MILR1: variants seen among roughly 807,000 people sequenced by gnomAD.
The protein encoded by MILR1 is mast cell immunoglobulin like receptor 1, also known as allergin-1.
A neutral mutation model predicts 18.5 loss-of-function variants in MILR1; 31 were observed. That is an observed-to-expected ratio of 1.68 (90% CI 1.26 to 2.26). The LOEUF is 2.26. Among genes scored for constraint, MILR1 ranks in the 30% most tolerant of loss-of-function variants. The pLI is 0.00. For synonymous variants in MILR1, 85 were observed against 56.2 expected (o/e 1.51, Z -2.30); for missense variants, 257 against 157.4 (o/e 1.63, Z -3.38).
chr17:64,466,082 A>G (rs2037552081), intron 6 of MILR1, among the ~76,000 whole-genome samples: 1 of 152,204 alleles, frequency 6.6e-6, no homozygotes, highest in Non-Finnish European at 1.5e-5. Flanking sequence ...GGGGAAGCAA[A>G]CACATCCTTC....
At chr17:64,463,817 ATT>A (rs1200586705) in intron 5 of MILR1, among the ~76,000 whole-genome samples, 4 of 103,932 alleles carry the variant, frequency 3.8e-5, no homozygotes, top group Admixed American at 9.8e-5. Context: ...CTCCTGGCTA[ATT>A]TTTTTTTTTT....
chr17:64,475,516 C>T, the MILR1 span, among the ~76,000 whole-genome samples: 6 of 151,752 alleles, frequency 4.0e-5, no homozygotes, highest in African/African-American at 9.7e-5. Flanking sequence ...GGCATGGTGG[C>T]GCATGCCTGT....
downstream of MILR1, among the ~76,000 whole-genome samples, chr17:64,469,389 C>T (rs2037651745): frequency 3.3e-5 from 5 of 152,114 alleles, no homozygotes; most frequent in South Asian, 1.0e-3. Context: ...CTTGACATGA[C>T]ACTAAACCTC....
the MILR1 span, chr17:64,493,150 G>T: frequency 9.8e-7 from 1 of 1,022,516 alleles, no homozygotes; most frequent in Non-Finnish European, 1.5e-6. Flanking sequence ...AAGCTTGGTG[G>T]CTCACGCCTA....
downstream of MILR1, among the ~76,000 whole-genome samples, chr17:64,471,405 C>T (rs1440991469): frequency 2.0e-5 from 3 of 152,160 alleles, no homozygotes; most frequent in East Asian, 3.8e-4. Context: ...AGCGACACCT[C>T]CCCCACTTCT....
the MILR1 span, chr17:64,496,838 A>C: frequency 6.2e-7 from 1 of 1,613,624 alleles, no homozygotes; most frequent in African/African-American, 1.3e-5. Context: ...GTGCGACTTC[A>C]CATGCCCTCC....
At chr17:64,478,463 T>C in the MILR1 span, among the ~76,000 whole-genome samples, 2 of 152,338 alleles carry the variant, frequency 1.3e-5, no homozygotes, top group African/African-American at 4.8e-5. Flanking sequence ...ACCAAACAGA[T>C]AGATGCACGG....
At chr17:64,473,138 A>G (rs2037715118), downstream of MILR1, among the ~76,000 whole-genome samples, 1 of 152,074 alleles carries the variant, frequency 6.6e-6, no homozygotes, top group South Asian at 2.1e-4. Context: ...TCACAAGGTC[A>G]GGAGATCAAG....
intron 4 of MILR1, 30 bp downstream of exon 4, chr17:64,457,714 G>T: frequency 2.1e-6 from 1 of 470,716 alleles, no homozygotes; most frequent in Non-Finnish European, 3.9e-6. Flanking sequence ...TTTCAGCCAG[G>T]TCTGAACTCA....
At chr17:64,473,177 G>A (rs538770228), downstream of MILR1, among the ~76,000 whole-genome samples, 41 of 152,088 alleles carry the variant, frequency 2.7e-4, no homozygotes, top group African/African-American at 9.4e-4. Flanking sequence ...ATGAAACCCC[G>A]TCTCTACTAA....
chr17:64,471,738 G>T (rs545271992), downstream of MILR1, among the ~76,000 whole-genome samples: 1 of 152,210 alleles, frequency 6.6e-6, no homozygotes, highest in Admixed American at 6.5e-5. Context: ...GATTGCTTGA[G>T]CCCAGGAGTT....
At chr17:64,456,327 T>A (rs2037299999) in intron 3 of MILR1, among the ~76,000 whole-genome samples, 1 of 151,978 alleles carries the variant, frequency 6.6e-6, no homozygotes, top group Non-Finnish European at 1.5e-5. Context: ...TATATATATA[T>A]AATAAAATGT....
the MILR1 span, chr17:64,497,092 G>A: frequency 3.9e-6 from 4 of 1,018,844 alleles, no homozygotes; most frequent in East Asian, 5.1e-5. Context: ...GTGCTTGCGG[G>A]CGGCAGGCCC....
At chr17:64,458,069 T>C (rs2037339175) in intron 4 of MILR1, among the ~76,000 whole-genome samples, 1 of 152,116 alleles carries the variant, frequency 6.6e-6, no homozygotes, top group Non-Finnish European at 1.5e-5. Flanking sequence ...GGTCTTTTAG[T>C]TTTCTTTGTT....
At chr17:64,472,518 C>CCATG (rs376791730), downstream of MILR1, among the ~76,000 whole-genome samples, 850 of 130,322 alleles carry the variant, frequency 6.5e-3, 8 homozygotes, top group African/African-American at 0.024. Context: ...GGAGAAAACA[C>CCATG]CATGATGTGT....
At chr17:64,474,363 C>T in the MILR1 span, among the ~76,000 whole-genome samples, 1 of 151,928 alleles carries the variant, frequency 6.6e-6, no homozygotes, top group Non-Finnish European at 1.5e-5. Flanking sequence ...GCGTGAGCCA[C>T]CGTGCCCGGC....
chr17:64,474,782 T>C, the MILR1 span, among the ~76,000 whole-genome samples: 1 of 152,074 alleles, frequency 6.6e-6, no homozygotes, highest in Non-Finnish European at 1.5e-5. Context: ...ATTCCTAGTA[T>C]CCAAAGTATG....
At chr17:64,497,121 C>T in the MILR1 span, 4 of 780,258 alleles carry the variant, frequency 5.1e-6, no homozygotes, top group African/African-American at 3.4e-5. Flanking sequence ...AAGCGCATGT[C>T]TGCGTTCCGG....
At chr17:64,489,040 T>C in the MILR1 span, among the ~76,000 whole-genome samples, 5 of 150,942 alleles carry the variant, frequency 3.3e-5, no homozygotes, top group Non-Finnish European at 7.4e-5. Context: ...TTTTTTTTTT[T>C]TTTGAGACAT....
Sources: allele counts gnomAD v4.1 joint callset (sites outside exome capture counted in the v4.1 genomes callset), GRCh38; gene constraint gnomAD v4.1.1; transcripts MANE v1.5; gene names NCBI Gene and HGNC (gene_info 2026-07-23, HGNC 2026-07-21).